Variants in ZNF143 observed in about 807,000 individuals in gnomAD.
ZNF143 encodes the protein SPH-binding factor.
A neutral mutation model predicts 74.1 loss-of-function variants in ZNF143; 49 were observed. The ratio of observed to expected loss-of-function variants is 0.66; its 90% CI spans 0.53 to 0.84. The LOEUF is 0.84. Ranked by LOEUF, ZNF143 falls within the 40% of genes least tolerant of loss-of-function variation. ZNF143 has a pLI of 0.00. For missense variants in ZNF143, 637 were observed against 793.4 expected (o/e 0.80, Z 2.37); for synonymous variants, 304 against 282.8 (o/e 1.07, Z -0.75).
chr11:9,495,463 T>C (rs975487050), intron 8 of ZNF143, among the ~76,000 whole-genome samples: 8 of 152,116 alleles, frequency 5.3e-5, no homozygotes, highest in Admixed American at 3.3e-4. Flanking sequence ...AATAAATATT[T>C]GGGCTAAGTA....
chr11:9,483,288 C>CCTT (rs1847322096), intron 7 of ZNF143, among the ~76,000 whole-genome samples: 1 of 50,200 alleles, frequency 2.0e-5, no homozygotes, highest in African/African-American at 8.8e-5. Context: ...GCCAACATGC[C>CCTT]TTTTTTTTTT....
chr11:9,518,704 T>G (rs1220258625), intron 14 of ZNF143, among the ~76,000 whole-genome samples: 1 of 148,056 alleles, frequency 6.8e-6, no homozygotes, highest in Non-Finnish European at 1.5e-5. Context: ...GCAAAAAGAG[T>G]GAGACTCCGT....
intron 12 of ZNF143, among the ~76,000 whole-genome samples, chr11:9,511,953 G>C (rs1216512213): frequency 6.6e-6 from 1 of 151,358 alleles, no homozygotes; most frequent in East Asian, 1.9e-4. Flanking sequence ...GGGTTTCACT[G>C]TGTTAGCCAG....
rs1847149314 is a variant in ZNF143 at position 9,479,367 on chromosome 11, T to A, written c.571-105T>A. ...ATAATGAAGCCCCATGTACTTTTTT[T>A]TCTTTTTCTTTTTTTTTGCAAGCTT... On this transcript the variant is annotated intron_variant, in intron 6 of 15. Coordinates refer to ENST00000396602, the MANE Select transcript of ZNF143 (RefSeq NM_003442.6). 3 of 811,312 alleles carry A rather than the reference T, an allele frequency of 3.7e-6. No individual in the cohort carries two copies. In the East Asian group the frequency reaches 9.6e-5, roughly 26 times the overall value. The allele number at this position is 811,312 out of a possible 1,614,324, so 50.3% of individuals were successfully genotyped here.
chr11:9,515,529 C>A (rs1848692240), intron 13 of ZNF143, among the ~76,000 whole-genome samples: 1 of 151,882 alleles, frequency 6.6e-6, no homozygotes, highest in African/African-American at 2.4e-5. Context: ...TGGTGGGCTC[C>A]TGTAGTCTCA....
At position 9,478,254 on chromosome 11, in the gene ZNF143, A is replaced by G. The variant is rs1362117145; in HGVS notation, c.374-136A>G. The G allele has an allele frequency of 3.8e-6, 3 of 799,276 alleles. No individual in the cohort carries two copies. In the Admixed American group the frequency reaches 8.0e-5, roughly 21 times the overall value. 49.5% of individuals were successfully genotyped at this position (799,276 alleles called of 1,614,324 possible). On this transcript the variant is annotated intron_variant, in intron 5 of 15. Coordinates refer to ENST00000396602, the MANE Select transcript of ZNF143 (RefSeq NM_003442.6). ...CAGAATTATTGTGAGGATTAAATGA[A>G]ATAACACATATCAAGTGCGTGGTCC...
chr11:9,498,512 T>A (rs771003376), intron 10 of ZNF143, among the ~76,000 whole-genome samples: 53 of 152,210 alleles, frequency 3.5e-4, no homozygotes, highest in Non-Finnish European at 8.8e-5. Flanking sequence ...GCAAGAAAGA[T>A]TCATTACTTT....
At chr11:9,502,006 G>T (rs1161769014) in intron 11 of ZNF143, among the ~76,000 whole-genome samples, 1 of 133,062 alleles carries the variant, frequency 7.5e-6, no homozygotes, top group African/African-American at 2.9e-5. Context: ...GCGCGATCTC[G>T]GCTCACTGCA....
intron 11 of ZNF143, among the ~76,000 whole-genome samples, chr11:9,506,635 T>C (rs2134138938): frequency 6.6e-6 from 1 of 152,262 alleles, no homozygotes; most frequent in East Asian, 1.9e-4. Flanking sequence ...GTAGACTGTT[T>C]TGAGAATAAT....
intron 3 of ZNF143, 70 bp from the exon 4 acceptor site, chr11:9,473,871 C>A: frequency 1.2e-6 from 2 of 1,612,434 alleles, no homozygotes; most frequent in African/African-American, 2.7e-5. Flanking sequence ...TAGTTGATAT[C>A]ATTTTGAAAT....
intron 8 of ZNF143, among the ~76,000 whole-genome samples, chr11:9,495,238 G>A (rs1215575998): frequency 6.6e-6 from 1 of 152,178 alleles, no homozygotes; most frequent in Non-Finnish European, 1.5e-5. Flanking sequence ...GAGGTCAGGA[G>A]TTCAAGAACA....
In ZNF143 at chr11:9,528,138, A is replaced by G. The variant is rs1849191052; in HGVS notation, c.*525A>G. The G allele has an allele frequency of 6.6e-6, 1 of 152,588 alleles. No homozygotes were observed. The highest frequency in any genetic ancestry group is 1.5e-5 in the Non-Finnish European group (1 of 68,058). 9.5% of individuals were successfully genotyped at this position (152,588 alleles called of 1,614,324 possible). A position where few individuals can be genotyped will look rare whatever the true frequency, so the allele number is the denominator to read the frequency against. On this transcript the variant is annotated 3_prime_UTR_variant, in exon 16 of 16. Coordinates refer to ENST00000396602, the MANE Select transcript of ZNF143 (RefSeq NM_003442.6). ...TTTATTTGTATCTCATGGTTTGCAGACTGTTTGAATAATTTATAGTTTCCC... is the reference window on the plus strand; with the variant it reads ...TTTATTTGTATCTCATGGTTTGCAGGCTGTTTGAATAATTTATAGTTTCCC...
chr11:9,497,899 T>G (rs1282044187), intron 10 of ZNF143, 99 bp downstream of exon 10: 13 of 930,782 alleles, frequency 1.4e-5, no homozygotes, highest in African/African-American at 1.8e-5. Context: ...GGTGCAATCT[T>G]GGCTCACTGC....
intron 5 of ZNF143, among the ~76,000 whole-genome samples, chr11:9,476,078 G>T (rs1020709875): frequency 2.0e-5 from 3 of 152,078 alleles, no homozygotes; most frequent in Non-Finnish European, 4.4e-5. Flanking sequence ...TTTAAGGGAA[G>T]TTCAGGGGTT....
intron 11 of ZNF143, among the ~76,000 whole-genome samples, chr11:9,505,480 A>T (rs1352807304): frequency 6.7e-6 from 1 of 149,630 alleles, no homozygotes; most frequent in African/African-American, 2.4e-5. Context: ...ATGTTGGCCC[A>T]GCTGATCTTG....
At position 9,508,707 on chromosome 11, in the gene ZNF143, T is replaced by A. The variant is rs747284389; in HGVS notation, c.1236T>A (p.Thr412=). The part of the protein sequence containing the change: ...SSLYKHHVVH[T]HSKPYNCNHC... ...TGTACAAACATCATGTTGTCCACAC[T>A]CATTCCAAACCTTACAACTGTAACC... The change falls in exon 12 of 16, where the codon ACT becomes ACA. Residue 412 remains threonine, a synonymous_variant. Coordinates refer to ENST00000396602, the MANE Select transcript of ZNF143 (RefSeq NM_003442.6). The A allele has an allele frequency of 1.9e-6, 3 of 1,614,102 alleles. No homozygotes were observed. Among genetic ancestry groups the A allele is most frequent in the Non-Finnish European group, 2.5e-6 (3 of 1,180,028 alleles).
intron 5 of ZNF143, among the ~76,000 whole-genome samples, chr11:9,475,621 T>A (rs1856829493): frequency 6.6e-6 from 1 of 152,192 alleles, no homozygotes; most frequent in Non-Finnish European, 1.5e-5. Flanking sequence ...CTGGGCATGT[T>A]GGCTCATGCC....
chr11:9,516,468 A>G (rs1439109520), intron 14 of ZNF143, 106 bp downstream of exon 14: 1 of 1,120,350 alleles, frequency 8.9e-7, no homozygotes, highest in Non-Finnish European at 1.2e-6. Context: ...CTTGGGAGTG[A>G]CTAATATTTT....
chr11:9,471,660 C>G (rs924737800), intron 2 of ZNF143, among the ~76,000 whole-genome samples: 1 of 145,024 alleles, frequency 6.9e-6, no homozygotes, highest in Middle Eastern at 3.8e-3. Flanking sequence ...CCAAGTGATT[C>G]TCCTGCCTCA....
Sources: gnomAD v4.1 joint callset for allele counts (sites outside exome capture counted in the v4.1 genomes callset) on GRCh38, gnomAD v4.1.1 for gene constraint, MANE v1.5 for transcripts, NCBI Gene and HGNC (gene_info 2026-07-23, HGNC 2026-07-21) for gene names.